FRMD4A: variants seen among roughly 807,000 people sequenced by gnomAD.
The protein encoded by FRMD4A is FERM domain containing 4A.
FRMD4A carries 29 observed loss-of-function variants against 129.1 expected under a neutral mutation model. The ratio of observed to expected loss-of-function variants is 0.22; its 90% CI spans 0.17 to 0.31. FRMD4A has a LOEUF of 0.31. Ranked by LOEUF, FRMD4A falls within the 10% of genes least tolerant of loss-of-function variation. The pLI is 1.00. For missense variants in FRMD4A, 1,272 were observed against 1,375.8 expected (o/e 0.92, Z 1.19); for synonymous variants, 634 against 571.6 (o/e 1.11, Z -1.56).
chr10:13,948,754 C>G (rs761730931), intron 2 of FRMD4A, among the ~76,000 whole-genome samples: 3 of 149,202 alleles, frequency 2.0e-5, no homozygotes, highest in Non-Finnish European at 4.4e-5. Context: ...CAGGTTCAAG[C>G]GATTCTCCTG....
intron 2 of FRMD4A, among the ~76,000 whole-genome samples, chr10:14,139,842 T>C (rs1564332277): frequency 6.6e-6 from 1 of 152,190 alleles, no homozygotes; most frequent in Non-Finnish European, 1.5e-5. Context: ...TCTATGTTAA[T>C]CTCTATGAAT....
intron 2 of FRMD4A, among the ~76,000 whole-genome samples, chr10:13,966,006 G>A (rs997414760): frequency 3.3e-5 from 5 of 152,022 alleles, no homozygotes; most frequent in African/African-American, 1.2e-4. Context: ...TCACATGTAA[G>A]TTTGTATAAC....
intron 6 of FRMD4A, among the ~76,000 whole-genome samples, chr10:13,769,458 A>G (rs1406297767): frequency 6.6e-6 from 1 of 152,028 alleles, no homozygotes; most frequent in African/African-American, 2.4e-5. Context: ...ACAGGTGCCC[A>G]TCACCACAAC....
chr10:14,048,441 A>T (rs1418374145), intron 2 of FRMD4A, among the ~76,000 whole-genome samples: 1 of 152,234 alleles, frequency 6.6e-6, no homozygotes, highest in Non-Finnish European at 1.5e-5. Context: ...AGTAGTAAAA[A>T]CAATAATTTT....
chr10:13,891,734 G>C (rs1477247479), intron 2 of FRMD4A: 5 of 984,162 alleles, frequency 5.1e-6, no homozygotes, highest in Non-Finnish European at 4.8e-6. Flanking sequence ...CCTACTAGGC[G>C]GCCTTGGCGC....
intron 17 of FRMD4A, among the ~76,000 whole-genome samples, chr10:13,669,485 CCT>C (rs1323559443): frequency 3.3e-5 from 5 of 152,290 alleles, no homozygotes; most frequent in African/African-American, 9.6e-5. Flanking sequence ...CACATGGGTC[CCT>C]CTCTGAATTC....
intron 2 of FRMD4A, among the ~76,000 whole-genome samples, chr10:13,929,692 C>T (rs1458558041): frequency 2.6e-5 from 4 of 152,184 alleles, no homozygotes; most frequent in Admixed American, 2.6e-4. Flanking sequence ...CGAATATTAA[C>T]TTAGGCAAAA....
intron 2 of FRMD4A, among the ~76,000 whole-genome samples, chr10:14,033,708 C>A (rs1395468330): frequency 1.3e-5 from 2 of 151,420 alleles, no homozygotes. Flanking sequence ...TCTCTTGAAC[C>A]CAGGAGGTGG....
intron 2 of FRMD4A, among the ~76,000 whole-genome samples, chr10:14,322,652 T>A (rs1431284968): frequency 6.6e-6 from 1 of 152,186 alleles, no homozygotes; most frequent in Non-Finnish European, 1.5e-5. Context: ...AAAGCACTCA[T>A]CACAATGCAA....
At chr10:13,982,448 A>G (rs1192809041) in intron 2 of FRMD4A, among the ~76,000 whole-genome samples, 1 of 125,934 alleles carries the variant, frequency 7.9e-6, no homozygotes, top group Non-Finnish European at 1.6e-5. Context: ...TCACCACTGT[A>G]CTTCAGCCTG....
intron 8 of FRMD4A, among the ~76,000 whole-genome samples, chr10:13,760,480 C>CT (rs201564411): frequency 0.016 from 2,468 of 152,140 alleles, 61 homozygotes; most frequent in African/African-American, 0.055. Flanking sequence ...GACTGCACCA[C>CT]TGCACTCCAG....
At chr10:13,953,568 A>T (rs1244704185) in intron 2 of FRMD4A, among the ~76,000 whole-genome samples, 1 of 152,136 alleles carries the variant, frequency 6.6e-6, no homozygotes, top group Non-Finnish European at 1.5e-5. Context: ...TGCTGTCCAC[A>T]TTACTCACCC....
intron 3 of FRMD4A, among the ~76,000 whole-genome samples, chr10:13,854,139 A>G (rs2094181177): frequency 1.3e-5 from 2 of 152,134 alleles, no homozygotes; most frequent in African/African-American, 2.4e-5. Flanking sequence ...CCTGTACCCC[A>G]TCTAGCAACT....
chr10:14,328,986 T>C (rs1483989809), intron 2 of FRMD4A, among the ~76,000 whole-genome samples: 1 of 152,208 alleles, frequency 6.6e-6, no homozygotes, highest in South Asian at 2.1e-4. Flanking sequence ...TTCAACTAAA[T>C]CTGTGGACCC....
chr10:14,184,008 G>T (rs1841991890), intron 2 of FRMD4A, among the ~76,000 whole-genome samples: 1 of 152,006 alleles, frequency 6.6e-6, no homozygotes, highest in South Asian at 2.1e-4. Context: ...CTTTGCTATG[G>T]TTTCCAAGCA....
At chr10:14,290,722 T>C (rs1036812857) in intron 2 of FRMD4A, among the ~76,000 whole-genome samples, 3 of 151,998 alleles carry the variant, frequency 2.0e-5, no homozygotes, top group African/African-American at 7.2e-5. Context: ...AAAGGCAAAA[T>C]TAGGCAAGTG....
chr10:14,160,937 A>G (rs1056542141), intron 2 of FRMD4A, among the ~76,000 whole-genome samples: 22 of 152,126 alleles, frequency 1.4e-4, no homozygotes, highest in Non-Finnish European at 3.1e-4. Context: ...TACAGCCATT[A>G]TGGAAAACTG....
intron 2 of FRMD4A, among the ~76,000 whole-genome samples, chr10:13,959,510 A>ATT (rs71388141): frequency 0.26 from 23,200 of 89,622 alleles, 3,639 homozygotes; most frequent in East Asian, 0.39. Context: ...GCTGTGAGTG[A>ATT]TTTTTTTTTT....
chr10:14,171,618 C>A (rs941693273), intron 2 of FRMD4A, among the ~76,000 whole-genome samples: 1 of 152,162 alleles, frequency 6.6e-6, no homozygotes, highest in Non-Finnish European at 1.5e-5. Context: ...TAATCTCATG[C>A]ATATTTATGT....
Sources: gnomAD v4.1 joint callset for allele counts (sites outside exome capture counted in the v4.1 genomes callset) on GRCh38, gnomAD v4.1.1 for gene constraint, MANE v1.5 for transcripts, NCBI Gene and HGNC (gene_info 2026-07-23, HGNC 2026-07-21) for gene names.